Variants in NAALADL2 observed in about 807,000 individuals in gnomAD.
NAALADL2 encodes inactive N-acetylated-alpha-linked acidic dipeptidase-like protein 2.
NAALADL2 carries 76 observed loss-of-function variants against 87.2 expected under a neutral mutation model. The observed-to-expected ratio is 0.87, with a 90% CI of 0.72 to 1.05. The LOEUF is 1.05. NAALADL2 is among the 50% of genes least tolerant of loss of function. The pLI, the probability that NAALADL2 is intolerant of heterozygous loss-of-function variation, is 0.00. For missense variants in NAALADL2, 1,089 were observed against 945.8 expected (o/e 1.15, Z -1.99); for synonymous variants, 354 against 331.0 (o/e 1.07, Z -0.75).
intron 4 of NAALADL2, among the ~76,000 whole-genome samples, chr3:175,284,405 A>T (rs1754727389): frequency 6.6e-6 from 1 of 151,952 alleles, no homozygotes. Flanking sequence ...TTATATTCTG[A>T]TTATATTATG....
At chr3:174,523,818 G>A (rs755203806) in intron 1 of NAALADL2, among the ~76,000 whole-genome samples, 3 of 152,010 alleles carry the variant, frequency 2.0e-5, no homozygotes, top group Non-Finnish European at 4.4e-5. Flanking sequence ...ATATTGCAAC[G>A]TAATTATGTG....
intron 4 of NAALADL2, among the ~76,000 whole-genome samples, chr3:175,267,989 G>T (rs1455455990): frequency 6.6e-6 from 1 of 152,016 alleles, no homozygotes; most frequent in Non-Finnish European, 1.5e-5. Flanking sequence ...TTATTGTTTT[G>T]TAACCATGGT....
chr3:175,082,020 C>T (rs1717945625), intron 1 of NAALADL2, among the ~76,000 whole-genome samples: 1 of 150,484 alleles, frequency 6.6e-6, no homozygotes, highest in Non-Finnish European at 1.5e-5. Context: ...CATTCTCTCT[C>T]TCTCGTTCCC....
At chr3:174,660,611 T>G (rs1384836627) in intron 2 of NAALADL2, among the ~76,000 whole-genome samples, 1 of 152,188 alleles carries the variant, frequency 6.6e-6, no homozygotes, top group Non-Finnish European at 1.5e-5. Context: ...AAAAATGTTG[T>G]GTACAATTTT....
intron 1 of NAALADL2, among the ~76,000 whole-genome samples, chr3:174,968,671 G>T (rs1457023077): frequency 6.6e-6 from 1 of 151,934 alleles, no homozygotes; most frequent in Non-Finnish European, 1.5e-5. Context: ...TTAGAGACGG[G>T]GTTTCACCAA....
Position 175,726,048 on chromosome 3 carries a change from T to C in NAALADL2, c.1897-11258T>C, listed in dbSNP as rs116384479. ...AGAACACTAAGAAATATTAACATACTGTGGTCCCTCTCTAGAAACAATATG... is the reference window on the plus strand; with the variant it reads ...AGAACACTAAGAAATATTAACATACCGTGGTCCCTCTCTAGAAACAATATG... On this transcript the variant is annotated intron_variant, in intron 11 of 13. Transcript: ENST00000454872. 4.2e-3 allele frequency among the ~76,000 whole-genome samples: 642 copies of C among 152,244 alleles called. 3 individuals carry two copies. Among genetic ancestry groups the C allele is most frequent in the South Asian group, 0.022 (104 of 4,826 alleles).
At chr3:174,513,902 A>C (rs920672374) in intron 1 of NAALADL2, among the ~76,000 whole-genome samples, 12 of 152,126 alleles carry the variant, frequency 7.9e-5, no homozygotes, top group African/African-American at 2.9e-4. Flanking sequence ...CTTCAGCGTC[A>C]TGTCTTGCCT....
chr3:175,424,002 T>C (rs62285190), intron 5 of NAALADL2, among the ~76,000 whole-genome samples: 27,409 of 152,198 alleles, frequency 0.18, 3,567 homozygotes, highest in African/African-American at 0.36. Flanking sequence ...TGATTTGCAT[T>C]TCTCTGACGG....
intron 1 of NAALADL2, among the ~76,000 whole-genome samples, chr3:175,070,949 A>G (rs73035489): frequency 0.14 from 21,188 of 152,024 alleles, 1,867 homozygotes; most frequent in African/African-American, 0.23. Flanking sequence ...TTTTTAAGAC[A>G]TACGATCTCA....
intron 1 of NAALADL2, among the ~76,000 whole-genome samples, chr3:174,891,606 C>T (rs539642477): frequency 2.6e-5 from 4 of 152,096 alleles, no homozygotes; most frequent in African/African-American, 9.7e-5. Context: ...ACATTAAAAC[C>T]GGGCCTTAGC....
At chr3:175,594,869 G>T (rs575338337) in intron 10 of NAALADL2, among the ~76,000 whole-genome samples, 1 of 151,918 alleles carries the variant, frequency 6.6e-6, no homozygotes, top group Non-Finnish European at 1.5e-5. Context: ...TTGCTGAATT[G>T]TTTAAATTTC....
At chr3:175,655,003 C>T (rs1227752604) in intron 11 of NAALADL2, among the ~76,000 whole-genome samples, 3 of 151,204 alleles carry the variant, frequency 2.0e-5, no homozygotes, top group Non-Finnish European at 2.9e-5. Context: ...GTTCGTGTGA[C>T]TACGATGAGT....
chr3:175,181,678 C>CATATATAT (rs140291952), intron 2 of NAALADL2, among the ~76,000 whole-genome samples: 565 of 51,930 alleles, frequency 0.011, 51 homozygotes, highest in African/African-American at 0.027. Flanking sequence ...ATTCCATTGG[C>CATATATAT]ATATATATAT....
At chr3:175,278,393 T>G (rs967606331) in intron 4 of NAALADL2, among the ~76,000 whole-genome samples, 1 of 152,166 alleles carries the variant, frequency 6.6e-6, no homozygotes, top group African/African-American at 2.4e-5. Context: ...TATTTTCCAC[T>G]CTAAAACTGC....
rs184628867 is a variant in NAALADL2, at chr3:174,582,608, G to A, written c.-115+31971G>A. Among the ~76,000 whole-genome samples the A allele has an allele frequency of 1.0e-3, 156 of 152,088 alleles. No homozygotes were observed. In the East Asian group the frequency reaches 0.01, roughly 10 times the overall value. The stretch of plus-strand genomic sequence containing the variant: ...TCATTTCTTTTTTTTTGGAAATGGA[G>A]TCTCACTTTGTTGCCCAGGCTGGAA... On this transcript the variant is annotated intron_variant, in intron 2 of 3. Coordinates refer to the NAALADL2 transcript ENST00000434257.
intron 2 of NAALADL2, among the ~76,000 whole-genome samples, chr3:175,101,802 G>C (rs1181394736): frequency 1.4e-5 from 2 of 144,186 alleles, no homozygotes; most frequent in Non-Finnish European, 3.2e-5. Context: ...GCTGTGAAAT[G>C]GTGAGACAAA....
chr3:174,867,374 C>A (rs1727289078), intron 1 of NAALADL2, among the ~76,000 whole-genome samples: 1 of 152,088 alleles, frequency 6.6e-6, no homozygotes, highest in Admixed American at 6.6e-5. Context: ...TCATCTCCAG[C>A]CTCACAAACT....
At chr3:175,787,222 A>G (rs1321577803) in intron 13 of NAALADL2, among the ~76,000 whole-genome samples, 1 of 152,048 alleles carries the variant, frequency 6.6e-6, no homozygotes, top group Non-Finnish European at 1.5e-5. Context: ...GGCCTCCTTG[A>G]GCTGTGGTGG....
intron 11 of NAALADL2, among the ~76,000 whole-genome samples, chr3:175,674,201 A>C (rs1002954414): frequency 6.6e-6 from 1 of 151,782 alleles, no homozygotes; most frequent in Admixed American, 6.6e-5. Flanking sequence ...ATCAAAGATT[A>C]AAATTCTTGC....
Sources: gnomAD v4.1 joint callset for allele counts (sites outside exome capture counted in the v4.1 genomes callset) on GRCh38, gnomAD v4.1.1 for gene constraint, MANE v1.5 for transcripts, NCBI Gene and HGNC (gene_info 2026-07-23, HGNC 2026-07-21) for gene names.